SDK1: variants seen among roughly 807,000 people sequenced by gnomAD.
SDK1 encodes protein sidekick-1.
In SDK1, 157 loss-of-function variants were observed where a neutral mutation model predicts 245.5. The observed-to-expected ratio is 0.64, with a 90% CI of 0.56 to 0.73. The LOEUF is 0.73. Ranked by LOEUF, SDK1 falls within the 30% of genes least tolerant of loss-of-function variation. The pLI, the probability that SDK1 is intolerant of heterozygous loss-of-function variation, is 0.00. For synonymous variants in SDK1, 1,647 were observed against 1,278.5 expected (o/e 1.29, Z -6.15); for missense variants, 3,583 against 3,002.3 (o/e 1.19, Z -4.52).
At chr7:3,806,134 C>A (rs1256028373) in intron 4 of SDK1, among the ~76,000 whole-genome samples, 3 of 152,214 alleles carry the variant, frequency 2.0e-5, no homozygotes, top group Admixed American at 1.3e-4. Flanking sequence ...TTCTCCTCTG[C>A]CAGTGACTCT....
intron 2 of SDK1, among the ~76,000 whole-genome samples, chr7:3,635,127 G>A (rs949183479): frequency 6.6e-5 from 10 of 152,058 alleles, no homozygotes; most frequent in African/African-American, 2.4e-4. Flanking sequence ...CATACTCCTG[G>A]TCTGGATTTG....
chr7:3,659,779 G>C (rs1239749747), intron 4 of SDK1, among the ~76,000 whole-genome samples: 1 of 152,232 alleles, frequency 6.6e-6, no homozygotes, highest in Admixed American at 6.5e-5. Flanking sequence ...CAAATGCCCC[G>C]GCAAGGGGGA....
At chr7:4,158,999 G>A (rs1780946516) in intron 31 of SDK1, among the ~76,000 whole-genome samples, 1 of 152,218 alleles carries the variant, frequency 6.6e-6, no homozygotes, top group Non-Finnish European at 1.5e-5. Context: ...CGTCAGGCCT[G>A]AAGATGGATT....
intron 2 of SDK1, among the ~76,000 whole-genome samples, chr7:3,625,269 G>A (rs568675934): frequency 9.2e-5 from 14 of 152,156 alleles, no homozygotes; most frequent in South Asian, 4.1e-4. Flanking sequence ...ATCAGAAACC[G>A]ATCACAGATA....
chr7:3,334,835 T>C (rs1001292408), intron 1 of SDK1, among the ~76,000 whole-genome samples: 14 of 152,212 alleles, frequency 9.2e-5, no homozygotes, highest in African/African-American at 3.1e-4. Context: ...AGATAGCTCA[T>C]AGGCTTCTCA....
intron 1 of SDK1, among the ~76,000 whole-genome samples, chr7:3,428,438 G>A (rs1177604923): frequency 6.6e-6 from 1 of 152,176 alleles, no homozygotes; most frequent in African/African-American, 2.4e-5. Flanking sequence ...GCTACATACA[G>A]CACATGGCCA....
At chr7:3,450,819 G>A (rs971721448) in intron 1 of SDK1, among the ~76,000 whole-genome samples, 1 of 152,008 alleles carries the variant, frequency 6.6e-6, no homozygotes, top group East Asian at 1.9e-4. Flanking sequence ...GAGAGAAGAG[G>A]GATGAAGATG....
At chr7:3,511,889 C>A (rs973825902) in intron 1 of SDK1, among the ~76,000 whole-genome samples, 2 of 143,544 alleles carry the variant, frequency 1.4e-5, no homozygotes, top group African/African-American at 5.2e-5. Flanking sequence ...TGCCCCTGCA[C>A]GTGCACAGCC....
rs1484643346 is a variant in SDK1 at position 4,266,943 on chromosome 7, A to G, written c.*1559A>G. On this transcript the variant is annotated 3_prime_UTR_variant, in exon 45 of 45. Coordinates refer to ENST00000404826, the MANE Select transcript of SDK1 (RefSeq NM_152744.4). Reference sequence around the variant, plus strand: ...GTAGGGGACAACTGAGCAGTATCTGACCAGTGCCACCCAGGAGCCAGTCTC... The same window carrying G: ...GTAGGGGACAACTGAGCAGTATCTGGCCAGTGCCACCCAGGAGCCAGTCTC... 6.1e-6 allele frequency: 6 copies of G among 985,250 alleles called. No individual in the cohort carries two copies. In the Admixed American group the frequency reaches 1.8e-4, roughly 30 times the overall value. 61.0% of individuals were successfully genotyped at this position (985,250 alleles called of 1,614,324 possible).
chr7:3,608,496 A>G (rs1303919361), intron 1 of SDK1, among the ~76,000 whole-genome samples: 2 of 152,256 alleles, frequency 1.3e-5, no homozygotes, highest in Non-Finnish European at 2.9e-5. Context: ...TTGTGGCTAA[A>G]GATAAAAATT....
chr7:3,831,890 A>G (rs1779920466), intron 5 of SDK1, among the ~76,000 whole-genome samples: 1 of 151,634 alleles, frequency 6.6e-6, no homozygotes, highest in South Asian at 2.1e-4. Flanking sequence ...TTAACAACAA[A>G]AACAAAAAAA....
chr7:3,970,492 C>A (rs982523701), intron 11 of SDK1, among the ~76,000 whole-genome samples: 1 of 152,140 alleles, frequency 6.6e-6, no homozygotes, highest in South Asian at 2.1e-4. Context: ...TACATTTAAC[C>A]CATTTATGCC....
At chr7:4,166,084 G>T (rs1479622840) in intron 32 of SDK1, among the ~76,000 whole-genome samples, 1 of 152,214 alleles carries the variant, frequency 6.6e-6, no homozygotes, top group Admixed American at 6.5e-5. Context: ...CCACTGCCCA[G>T]CCTGTAAGTG....
intron 1 of SDK1, among the ~76,000 whole-genome samples, chr7:3,380,041 G>A (rs926480400): frequency 2.0e-5 from 3 of 152,216 alleles, no homozygotes; most frequent in African/African-American, 4.8e-5. Context: ...TACCAAAAAC[G>A]TTGTCTGTGA....
chr7:3,323,941 G>C (rs1335361907), intron 1 of SDK1, among the ~76,000 whole-genome samples: 1 of 152,026 alleles, frequency 6.6e-6, no homozygotes. Context: ...TGATTGCAGG[G>C]TTTCTATTAC....
Position 4,245,824 on chromosome 7 carries a change from T to TTCCGGGCAGTGACCATCAGCCCC in SDK1, c.6381+21_6381+43dup. On this transcript the variant is annotated intron_variant, in intron 44 of 44. Coordinates refer to ENST00000404826, the MANE Select transcript of SDK1 (RefSeq NM_152744.4). ...ATCTGAGGTCAGTGTCGGTGCCTAC[T>TTCCGGGCAGTGACCATCAGCCCC]TCCGGGCAGTGACCATCAGCCCCTA... The TTCCGGGCAGTGACCATCAGCCCC allele has an allele frequency of 1.2e-6, 2 of 1,613,272 alleles. No individual in the cohort carries two copies. The highest frequency in any genetic ancestry group is 1.7e-6 in the Non-Finnish European group (2 of 1,179,636).
chr7:3,463,877 C>T (rs1780908814), intron 1 of SDK1, among the ~76,000 whole-genome samples: 1 of 152,190 alleles, frequency 6.6e-6, no homozygotes, highest in South Asian at 2.1e-4. Context: ...TTCTTGGACA[C>T]ATTCCAGGCA....
At position 3,397,148 on chromosome 7, in the gene SDK1, A is replaced by G. The variant is rs889273227; in HGVS notation, c.298+95264A>G. ...CTTGCATGCTTTTTTTGCCTTATAA[A>G]TTATGTATTTATATGTTATAAGCCT... is the stretch of plus-strand genomic sequence containing the variant. On this transcript the variant is annotated intron_variant, in intron 1 of 44. Coordinates refer to ENST00000404826, the MANE Select transcript of SDK1 (RefSeq NM_152744.4). Among the ~76,000 whole-genome samples the G allele has an allele frequency of 3.3e-5, 5 of 152,004 alleles. 1 individual carries two copies.
chr7:3,934,749 C>G (rs1021372473), intron 5 of SDK1, among the ~76,000 whole-genome samples: 4 of 152,152 alleles, frequency 2.6e-5, no homozygotes, highest in African/African-American at 7.2e-5. Context: ...CCTACTTTCC[C>G]CAGAAGTAGA....
Sources: allele counts gnomAD v4.1 joint callset (sites outside exome capture counted in the v4.1 genomes callset), GRCh38; gene constraint gnomAD v4.1.1; transcripts MANE v1.5; gene names NCBI Gene and HGNC (gene_info 2026-07-23, HGNC 2026-07-21).